Variants in MIA2 observed in about 807,000 individuals in gnomAD.
MIA2 encodes melanoma inhibitory activity protein 2.
A neutral mutation model predicts 167.8 loss-of-function variants in MIA2; 127 were observed. That is an observed-to-expected ratio of 0.76 (90% CI 0.66 to 0.88). MIA2 has a LOEUF of 0.88. Among genes scored for constraint, MIA2 ranks in the 40% least tolerant of loss-of-function variants. The pLI, the probability that MIA2 is intolerant of heterozygous loss-of-function variation, is 0.00. For missense variants in MIA2, 1,690 were observed against 1,624.7 expected, an observed-to-expected ratio of 1.04 and a Z score of -0.69; for synonymous variants, 552 against 541.9, an observed-to-expected ratio of 1.02 and a Z score of -0.26.
At position 39,299,926 on chromosome 14, in the gene MIA2, A is replaced by G. The variant is rs1214739963; in HGVS notation, c.2559A>G (p.Thr853=). 4 of 1,610,398 alleles carry G rather than the reference A, an allele frequency of 2.5e-6. No homozygotes were observed. The highest frequency in any genetic ancestry group is 1.7e-4 in the Middle Eastern group (1 of 6,042). ...QVSELNKQKV[T]FEDSKVHAEQ... Reference sequence around the variant, plus strand: ...GTGAACTTAATAAACAGAAAGTAACATTTGAAGACTCCAAAGTACATGCAG... The same window carrying G: ...GTGAACTTAATAAACAGAAAGTAACGTTTGAAGACTCCAAAGTACATGCAG... Residue 853 remains threonine, a synonymous_variant, in exon 14 of 29, where the codon ACA becomes ACG. Coordinates refer to ENST00000640607, the MANE Select transcript of MIA2 (RefSeq NM_001329214.4).
chr14:39,263,028 C>T (rs1009590098), intron 6 of MIA2, among the ~76,000 whole-genome samples: 5 of 152,138 alleles, frequency 3.3e-5, no homozygotes, highest in Non-Finnish European at 1.5e-5. Context: ...GCCTGATTGC[C>T]CTAGCCAGAA....
rs201071149 is a variant in MIA2, at chr14:39,313,363, A to G, written c.3041A>G (p.Tyr1014Cys). ...AGGAAATTAACAGTAGAGGAAAATT[A>G]TCGGTTAGAGAAAGAAGAGAAACTT... is the stretch of plus-strand genomic sequence containing the variant. The part of the protein sequence containing the change: ...LHRKLTVEEN[Y>C]RLEKEEKLSK... Residue 1014 changes from tyrosine to cysteine, a missense_variant, in exon 19 of 29, where the codon TAT becomes TGT. Tyr to Cys is a radical substitution (Grantham distance 194, BLOSUM62 -2). Transcript: ENST00000640607. 20 of 1,596,768 alleles carry G rather than the reference A, an allele frequency of 1.3e-5. No homozygotes were observed. The highest frequency in any genetic ancestry group is 1.7e-5 in the Non-Finnish European group (20 of 1,171,278).
chr14:39,286,579 T>A (rs1174570254), intron 9 of MIA2, among the ~76,000 whole-genome samples: 1 of 152,234 alleles, frequency 6.6e-6, no homozygotes, highest in Non-Finnish European at 1.5e-5. Context: ...TATCTGTATT[T>A]TTGATGACAT....
chr14:39,325,735 A>G (rs1380745606), intron 24 of MIA2, among the ~76,000 whole-genome samples: 2 of 146,902 alleles, frequency 1.4e-5, no homozygotes, highest in East Asian at 2.0e-4. Flanking sequence ...TTTTTTTGAG[A>G]TGGAGTCTCA....
At chr14:39,270,200 GTTT>G (rs35675093) in intron 6 of MIA2, among the ~76,000 whole-genome samples, 4 of 88,048 alleles carry the variant, frequency 4.5e-5, no homozygotes, top group Admixed American at 1.2e-4. Context: ...CTCTGTTGTG[GTTT>G]TTTTTTTTTT....
Position 39,248,051 on chromosome 14 carries a change from G to A in MIA2, c.1477G>A (p.Glu493Lys), listed in dbSNP as rs1265518023. 3.2e-6 allele frequency: 5 copies of A among 1,564,202 alleles called. No individual in the cohort carries two copies. The African/African-American group carries it at 6.9e-5, about 22-fold the overall frequency. ...KQILDQNNVI[E>K]NEETGEFSID... ...GATACTGGATCAAAATAATGTAATT[G>A]AAAATGAAGAAACTGGAGAATTTTC... The change falls in exon 4 of 29, where the codon GAA becomes AAA. Residue 493 changes from glutamate (E) to lysine (K), a missense_variant. Coordinates refer to ENST00000640607, the MANE Select transcript of MIA2 (RefSeq NM_001329214.4).
At chr14:39,370,631 C>T in intron 23 of MIA2, 1 of 328,874 alleles carries the variant, frequency 3.0e-6, no homozygotes, top group Non-Finnish European at 6.2e-6. Context: ...TTCACCAGCG[C>T]CTCTCTGCTG....
At chr14:39,354,187 TA>T (rs920163762), downstream of MIA2, among the ~76,000 whole-genome samples, 15 of 152,238 alleles carry the variant, frequency 9.9e-5, no homozygotes, top group African/African-American at 3.4e-4. Context: ...ACTAACAGTG[TA>T]AAAGTGTTCC....
chr14:39,319,016 A>G (rs928597060), intron 22 of MIA2, among the ~76,000 whole-genome samples, 193 bp from the exon 23 acceptor site: 1 of 152,160 alleles, frequency 6.6e-6, no homozygotes, highest in Admixed American at 6.5e-5. Context: ...TCTCTAGGGC[A>G]GCAAGAAACT....
chr14:39,355,553 C>G (rs185104444), downstream of MIA2, among the ~76,000 whole-genome samples: 126 of 152,204 alleles, frequency 8.3e-4, no homozygotes, highest in Middle Eastern at 0.031. Context: ...TTTCCTTCTC[C>G]TGCCTGATTG....
chr14:39,283,854 A>G (rs1054598152), intron 9 of MIA2, among the ~76,000 whole-genome samples: 1 of 152,068 alleles, frequency 6.6e-6, no homozygotes, highest in Non-Finnish European at 1.5e-5. Context: ...ATCAGGTTGT[A>G]TGTTTGCTTG....
At chr14:39,336,466 G>A (rs1250527760) in intron 25 of MIA2, among the ~76,000 whole-genome samples, 3 of 152,114 alleles carry the variant, frequency 2.0e-5, no homozygotes, top group Non-Finnish European at 4.4e-5. Context: ...AAACTTTTAA[G>A]TTTTCTTTTA....
chr14:39,267,346 C>T (rs1594779877), intron 6 of MIA2: 4 of 1,569,614 alleles, frequency 2.5e-6, no homozygotes, highest in Middle Eastern at 2.3e-4. Flanking sequence ...TGGTCCACTC[C>T]GGTTGCCGGG....
chr14:39,300,026 A>G, intron 14 of MIA2, 40 bp downstream of exon 14: 1 of 1,568,706 alleles, frequency 6.4e-7, no homozygotes, highest in Non-Finnish European at 8.6e-7. Context: ...AGTTGGCTAG[A>G]ATTTTACACT....
chr14:39,380,041 A>G (rs79310521), intron 23 of MIA2, among the ~76,000 whole-genome samples: 2,097 of 152,316 alleles, frequency 0.014, 49 homozygotes, highest in African/African-American at 0.047. Flanking sequence ...AATAGAAGGA[A>G]TATGTCCTGA....
chr14:39,320,054 G>A (rs1242885382), intron 23 of MIA2, among the ~76,000 whole-genome samples: 4 of 151,974 alleles, frequency 2.6e-5, no homozygotes, highest in African/African-American at 4.8e-5. Context: ...AGATTATTAC[G>A]AATTTCAGGT....
intron 25 of MIA2, among the ~76,000 whole-genome samples, chr14:39,327,622 C>A (rs947674021): frequency 6.6e-6 from 1 of 152,066 alleles, no homozygotes; most frequent in Non-Finnish European, 1.5e-5. Context: ...TCCCCTGGCC[C>A]CCCACCCCCA....
chr14:39,303,008 G>A (rs1031925997), intron 15 of MIA2, among the ~76,000 whole-genome samples: 4 of 152,064 alleles, frequency 2.6e-5, no homozygotes, highest in African/African-American at 9.7e-5. Flanking sequence ...ACATTAATAT[G>A]TTGGAAAAAA....
chr14:39,329,653 GTTTT>G (rs139865314), intron 25 of MIA2, among the ~76,000 whole-genome samples: 1 of 140,746 alleles, frequency 7.1e-6, no homozygotes. Context: ...AGTTTATTGA[GTTTT>G]TTTTTTTTTT....
Sources: allele counts gnomAD v4.1 joint callset (sites outside exome capture counted in the v4.1 genomes callset), GRCh38; gene constraint gnomAD v4.1.1; transcripts MANE v1.5; gene names NCBI Gene and HGNC (gene_info 2026-07-23, HGNC 2026-07-21).